The following MTF1 variants were observed in gnomAD, a reference collection of about 807,000 sequenced individuals.
MTF1 encodes MRE-binding transcription factor.
Under a neutral mutation model 70.4 loss-of-function variants are expected in MTF1, and 22 were observed. That is an observed-to-expected ratio of 0.31 (90% CI 0.22 to 0.45). MTF1 has a LOEUF of 0.45. MTF1 is among the 20% of genes least tolerant of loss of function. MTF1 has a pLI of 1.00. For missense variants in MTF1, 649 were observed against 922.0 expected, an observed-to-expected ratio of 0.70 and a Z score of 3.83; for synonymous variants, 333 against 352.8, an observed-to-expected ratio of 0.94 and a Z score of 0.63.
intron 2 of MTF1, among the ~76,000 whole-genome samples, chr1:37,853,788 T>G (rs975710815): frequency 4.6e-5 from 7 of 152,232 alleles, no homozygotes; most frequent in African/African-American, 1.7e-4. Flanking sequence ...GCAATATTTG[T>G]ACCTCTCCTT....
chr1:37,846,343 C>A lies in MTF1; in HGVS notation c.409-6185G>T, dbSNP rs147670341. ...GCTTCTTGAAGGTGGTGATCCCCAA[C>A]CTGAATTTAAAGACATGAGCAGCTG... is the stretch of plus-strand genomic sequence containing the variant. On this transcript the variant is annotated intron_variant, in intron 2 of 10. Transcript: ENST00000373036. Among the ~76,000 whole-genome samples the A allele has an allele frequency of 2.0e-3, 303 of 150,646 alleles. 2 individuals carry two copies. The highest frequency in any genetic ancestry group is 7.0e-3 in the African/African-American group (288 of 40,876).
In MTF1 at chr1:37,839,982, C is replaced by T. The variant is rs143831879; in HGVS notation, c.585G>A (p.Thr195=). ...CGTCACACTCAAATGGCTTCTCCTT[C>T]GTGTGCACTCGCACGTGGATCCTGA... is the stretch of plus-strand genomic sequence containing the variant. ...YSLRIHVRVH[T]KEKPFECDVQ... is the part of the protein sequence containing the mutation. The change falls in exon 3 of 11, where the codon ACG becomes ACA. Residue 195 remains threonine, a synonymous_variant. Transcript: ENST00000373036. The T allele has an allele frequency of 1.5e-5, 24 of 1,614,230 alleles. No individual in the cohort carries two copies. Among genetic ancestry groups the T allele is most frequent in the East Asian group, 4.5e-5 (2 of 44,882 alleles).
chr1:37,829,654 G>A (rs1370267652), intron 7 of MTF1, among the ~76,000 whole-genome samples: 5 of 152,042 alleles, frequency 3.3e-5, no homozygotes, highest in Admixed American at 1.3e-4. Context: ...GCATGGTGGC[G>A]GGCGCCTGTA....
chr1:37,850,974 A>T (rs1641410569), intron 2 of MTF1, among the ~76,000 whole-genome samples: 1 of 152,188 alleles, frequency 6.6e-6, no homozygotes, highest in Non-Finnish European at 1.5e-5. Flanking sequence ...AAACGAAAGG[A>T]AAAGGAGTAA....
chr1:37,836,376 T>C (rs1413056901), intron 4 of MTF1, among the ~76,000 whole-genome samples: 1 of 152,098 alleles, frequency 6.6e-6, no homozygotes, highest in Non-Finnish European at 1.5e-5. Flanking sequence ...AGTGGAACAT[T>C]AGGAATATCA....
At position 37,813,308 on chromosome 1, in the gene MTF1, A is replaced by G. The variant is rs1640764566; in HGVS notation, c.*1828T>C. 6.6e-6 allele frequency: 1 copy of G among 152,102 alleles called. No homozygotes were observed. The highest frequency in any genetic ancestry group is 3.2e-3 in the Middle Eastern group (1 of 314). 9.4% of individuals were successfully genotyped at this position (152,102 alleles called of 1,614,324 possible). A position where few individuals can be genotyped will look rare whatever the true frequency, so the allele number is the denominator to read the frequency against. On this transcript the variant is annotated 3_prime_UTR_variant, in exon 11 of 11. Coordinates refer to ENST00000373036, the MANE Select transcript of MTF1 (RefSeq NM_005955.3). ...AAAAAAGAAGTCAATTATTCTGGCTAGGGTCCTGGAATGAGAAATTGGCTG... is the reference window on the plus strand; with the variant it reads ...AAAAAAGAAGTCAATTATTCTGGCTGGGGTCCTGGAATGAGAAATTGGCTG...
intron 10 of MTF1, among the ~76,000 whole-genome samples, chr1:37,816,361 ACT>A (rs1640818575): frequency 6.6e-6 from 1 of 151,760 alleles, no homozygotes; most frequent in Non-Finnish European, 1.5e-5. Flanking sequence ...ATATAGTGAG[ACT>A]CTGTCTCTAC....
intron 7 of MTF1, chr1:37,828,073 C>T: frequency 3.1e-6 from 1 of 327,662 alleles, no homozygotes; most frequent in Non-Finnish European, 5.9e-6. Context: ...AATGAATGAC[C>T]TGTAACTGTA....
At chr1:37,831,295 G>A (rs1219484533) in intron 7 of MTF1, among the ~76,000 whole-genome samples, 1 of 152,090 alleles carries the variant, frequency 6.6e-6, no homozygotes, top group Non-Finnish European at 1.5e-5. Context: ...CAGATGCCAC[G>A]GTCAGACAAG....
In MTF1 at chr1:37,831,209, T is replaced by C. The variant is rs937477778; in HGVS notation, c.1068+1036A>G. Among the ~76,000 whole-genome samples the C allele has an allele frequency of 4.6e-5, 7 of 152,062 alleles. No individual in the cohort carries two copies. In the South Asian group the frequency reaches 1.4e-3, roughly 31 times the overall value. ...TTTTTAGCTGTTTTCTGCGGGAGAG[T>C]TGGTCTCATAAGAGCAACTCTGCCA... is the stretch of plus-strand genomic sequence containing the variant. On this transcript the variant is annotated intron_variant, in intron 7 of 10. Coordinates refer to ENST00000373036, the MANE Select transcript of MTF1 (RefSeq NM_005955.3).
chr1:37,843,856 C>G (rs905810682), intron 2 of MTF1, among the ~76,000 whole-genome samples: 22 of 140,420 alleles, frequency 1.6e-4, no homozygotes, highest in Admixed American at 5.9e-4. Context: ...CCTCCTGTCT[C>G]CCCTCCCACC....
intron 2 of MTF1, among the ~76,000 whole-genome samples, chr1:37,849,662 C>A (rs1348898052): frequency 6.6e-6 from 1 of 152,122 alleles, no homozygotes; most frequent in Non-Finnish European, 1.5e-5. Flanking sequence ...GAACAGGTAA[C>A]TAGACCGTCC....
chr1:37,840,589 A>G lies in MTF1; in HGVS notation c.409-431T>C. 2.3e-6 allele frequency: 1 copy of G among 436,938 alleles called. No individual in the cohort carries two copies. Among genetic ancestry groups the G allele is most frequent in the Non-Finnish European group, 4.5e-6 (1 of 219,834 alleles). 27.1% of individuals were successfully genotyped at this position (436,938 alleles called of 1,614,324 possible). A position where few individuals can be genotyped will look rare whatever the true frequency, so the allele number is the denominator to read the frequency against. ...GAGTTTAAAACATCTGGAAATTTAC[A>G]TACTTAATCATCAAACATATTTCCC... is the stretch of plus-strand genomic sequence containing the variant. On this transcript the variant is annotated intron_variant, in intron 2 of 10. Coordinates refer to ENST00000373036, the MANE Select transcript of MTF1 (RefSeq NM_005955.3). This position sits in a 1 kb window ranked among gnomAD's most constrained non-coding sequence, Gnocchi z 4.5.
chr1:37,817,288 A>G, intron 10 of MTF1, 131 bp downstream of exon 10: 1 of 708,538 alleles, frequency 1.4e-6, no homozygotes, highest in Non-Finnish European at 2.5e-6. Flanking sequence ...CCAACAATAC[A>G]ATGTGAAGAA....
intron 9 of MTF1, 38 bp from the exon 10 acceptor site, chr1:37,817,520 TA>T (rs1308122702): frequency 7.0e-7 from 1 of 1,430,714 alleles, no homozygotes; most frequent in Non-Finnish European, 9.9e-7. Flanking sequence ...ATAGCCACTG[TA>T]ATATGGCAGA....
chr1:37,840,274 A>G lies in MTF1; in HGVS notation c.409-116T>C. On this transcript the variant is annotated intron_variant, in intron 2 of 10. Coordinates refer to ENST00000373036, the MANE Select transcript of MTF1 (RefSeq NM_005955.3). This position sits in a 1 kb window ranked among gnomAD's most constrained non-coding sequence, Gnocchi z 4.5. Reference sequence around the variant, plus strand: ...TGGACAATACAACTGGGTTTTCATCATAAACACAGAAAACAGCCTCTAGCA... The same window carrying G: ...TGGACAATACAACTGGGTTTTCATCGTAAACACAGAAAACAGCCTCTAGCA... 1 of 909,880 alleles carries G rather than the reference A, an allele frequency of 1.1e-6. No homozygotes were observed. The highest frequency in any genetic ancestry group is 1.7e-6 in the Non-Finnish European group (1 of 581,238). The allele number at this position is 909,880 out of a possible 1,614,324, so 56.4% of individuals were successfully genotyped here.
At chr1:37,845,802 G>A (rs748006479) in intron 2 of MTF1, among the ~76,000 whole-genome samples, 3 of 152,112 alleles carry the variant, frequency 2.0e-5, no homozygotes, top group East Asian at 1.9e-4. Flanking sequence ...CACCACACCC[G>A]GCCTGAAAAT....
At position 37,857,697 on chromosome 1, in the gene MTF1, C is replaced by T. The variant is rs369438955; in HGVS notation, c.-39G>A. The T allele has an allele frequency of 1.5e-5, 24 of 1,594,348 alleles. No homozygotes were observed. The Middle Eastern group carries it at 5.0e-4, about 33-fold the overall frequency. On this transcript the variant is annotated 5_prime_UTR_variant, in exon 2 of 11. Coordinates refer to ENST00000373036, the MANE Select transcript of MTF1 (RefSeq NM_005955.3). ...TCAGCCCAGTTGTGAGAAATGAAAA[C>T]GTAATGACTTGTCTGCAACAGAACA... is the stretch of plus-strand genomic sequence containing the variant.
chr1:37,830,597 T>A (rs1641071698), intron 7 of MTF1, among the ~76,000 whole-genome samples: 1 of 152,260 alleles, frequency 6.6e-6, no homozygotes, highest in African/African-American at 2.4e-5. Flanking sequence ...TTACCTTTTC[T>A]CTTGTGGAGG....
Sources: allele counts gnomAD v4.1 joint callset (sites outside exome capture counted in the v4.1 genomes callset), GRCh38; gene constraint gnomAD v4.1.1; non-coding constraint Gnocchi (gnomAD v3.1); transcripts MANE v1.5; gene names NCBI Gene and HGNC (gene_info 2026-07-23, HGNC 2026-07-21).